The following CNIH3 variants were observed in gnomAD, a reference collection of about 807,000 sequenced individuals.
CNIH3 encodes protein cornichon homolog 3.
In CNIH3, 14 loss-of-function variants were observed where a neutral mutation model predicts 24.1. The observed-to-expected ratio is 0.58, with a 90% CI of 0.38 to 0.91. CNIH3 has a LOEUF of 0.91. Ranked by LOEUF, CNIH3 falls within the 40% of genes least tolerant of loss-of-function variation. The probability of loss-of-function intolerance (pLI) is 0.00; values close to 1 mark genes in which losing one functional copy is unlikely to be tolerated. For synonymous variants in CNIH3, 68 were observed against 73.8 expected, an observed-to-expected ratio of 0.92 and a Z score of 0.40; for missense variants, 178 against 196.8, an observed-to-expected ratio of 0.90 and a Z score of 0.57.
chr1:224,666,327 G>A (rs912854230), intron 1 of CNIH3, among the ~76,000 whole-genome samples: 1 of 152,146 alleles, frequency 6.6e-6, no homozygotes, highest in African/African-American at 2.4e-5. Context: ...CTTGGCTCAG[G>A]TCTGGTAAGG....
intron 1 of CNIH3, among the ~76,000 whole-genome samples, chr1:224,676,722 C>T (rs773435168): frequency 5.3e-5 from 8 of 152,170 alleles, no homozygotes; most frequent in South Asian, 4.1e-4. Flanking sequence ...TCATCACACT[C>T]GCAGTCAGTC....
chr1:224,546,807 T>C, intron 2 of CNIH3: 1 of 668,848 alleles, frequency 1.5e-6, no homozygotes, highest in Non-Finnish European at 1.8e-6. Flanking sequence ...TTCAAGTCTG[T>C]ATCTCCCTCA....
intron 2 of CNIH3, chr1:224,521,577 T>C (rs1349225013): frequency 6.6e-6 from 1 of 152,166 alleles, no homozygotes; most frequent in Non-Finnish European, 1.5e-5. Context: ...TTGGAACTCT[T>C]GGGAAAGACA....
intron 1 of CNIH3, among the ~76,000 whole-genome samples, chr1:224,640,208 G>A (rs1684289848): frequency 6.6e-6 from 1 of 152,208 alleles, no homozygotes; most frequent in African/African-American, 2.4e-5. Context: ...GTGTGTGTGT[G>A]TGCAAACATG....
chr1:224,661,797 C>T, intron 1 of CNIH3: 1 of 220,728 alleles, frequency 4.5e-6, no homozygotes, highest in Non-Finnish European at 9.2e-6. Context: ...TATCTTGGTG[C>T]CACTTCAGTG....
intron 1 of CNIH3, among the ~76,000 whole-genome samples, chr1:224,516,644 C>T (rs1170944618): frequency 6.6e-6 from 1 of 152,232 alleles, no homozygotes; most frequent in Non-Finnish European, 1.5e-5. Context: ...TGCTGGCCCT[C>T]CATGTCTCTG....
chr1:224,718,075 A>G (rs1424283851), intron 3 of CNIH3, among the ~76,000 whole-genome samples: 1 of 152,232 alleles, frequency 6.6e-6, no homozygotes, highest in African/African-American at 2.4e-5. Context: ...CATGAAAAAG[A>G]CAAGCTGCCC....
Position 224,616,481 on chromosome 1 carries a change from G to C in CNIH3, c.-694G>C. 1 of 987,940 alleles carries C rather than the reference G, an allele frequency of 1.0e-6. No individual in the cohort carries two copies. 61.2% of individuals were successfully genotyped at this position (987,940 alleles called of 1,614,324 possible). A position where few individuals can be genotyped will look rare whatever the true frequency, so the allele number is the denominator to read the frequency against. On this transcript the variant is annotated 5_prime_UTR_variant, in exon 1 of 6. Transcript: ENST00000272133. Reference sequence around the variant, plus strand: ...CCGACCCCCGGTTTCCGGGACACTTGGGTTGCGGAGGCCGGCTGGCCGGAG... The same window carrying C: ...CCGACCCCCGGTTTCCGGGACACTTCGGTTGCGGAGGCCGGCTGGCCGGAG...
chr1:224,739,333 A>G lies in CNIH3; in HGVS notation c.460A>G (p.Ile154Val), dbSNP rs1689757871. The change falls in exon 6 of 6, where the codon ATC (isoleucine) becomes GTC (valine). Residue 154 changes from isoleucine (I) to valine (V), a missense_variant. By Grantham distance (29) the Ile-to-Val change is conservative. Transcript: ENST00000272133. Reference protein sequence around the residue: ...LSFFYYLYCMIYTLVSS With the variant: ...LSFFYYLYCMVYTLVSS ...TTTTTTTTTTTTTGCATTCAGCATG[A>G]TCTACACTTTAGTGAGCTCTTAACG... 1 of 1,362,430 alleles carries G rather than the reference A, an allele frequency of 7.3e-7. No homozygotes were observed. Among genetic ancestry groups the G allele is most frequent in the Non-Finnish European group, 9.9e-7 (1 of 1,014,780 alleles). 84.4% of individuals were successfully genotyped at this position (1,362,430 alleles called of 1,614,324 possible).
chr1:224,632,472 C>T (rs74146204), intron 1 of CNIH3, among the ~76,000 whole-genome samples: 3,255 of 152,226 alleles, frequency 0.021, 102 homozygotes, highest in African/African-American at 0.072. Flanking sequence ...CTTATGTCAT[C>T]AGCATGCCTT....
intron 1 of CNIH3, among the ~76,000 whole-genome samples, chr1:224,490,337 G>T (rs1322718200): frequency 1.3e-5 from 2 of 152,174 alleles, no homozygotes; most frequent in South Asian, 2.1e-4. Context: ...CTACAGGAAT[G>T]GTTCAGGGTT....
intron 2 of CNIH3, among the ~76,000 whole-genome samples, chr1:224,522,459 C>T (rs1558127933): frequency 6.6e-6 from 1 of 152,216 alleles, no homozygotes; most frequent in Non-Finnish European, 1.5e-5. Flanking sequence ...AAAGTTGTCA[C>T]TGCAGAGTGA....
intron 1 of CNIH3, among the ~76,000 whole-genome samples, chr1:224,626,488 CA>C (rs1296822102): frequency 2.6e-5 from 4 of 152,076 alleles, no homozygotes; most frequent in Non-Finnish European, 5.9e-5. Flanking sequence ...AAAGCCCAAA[CA>C]AAAAACTAAA....
intron 1 of CNIH3, among the ~76,000 whole-genome samples, chr1:224,452,575 A>G (rs1192902515): frequency 2.0e-5 from 3 of 150,950 alleles, no homozygotes; most frequent in East Asian, 2.0e-4. Context: ...AGGTCAGGAG[A>G]TTGAGACCAT....
intron 1 of CNIH3, chr1:224,437,005 C>T: frequency 6.6e-6 from 1 of 152,192 alleles, no homozygotes; most frequent in East Asian, 1.9e-4. Context: ...TTCAAACCTC[C>T]TCAGGGGAGC....
chr1:224,705,380 C>A (rs1020642794), intron 3 of CNIH3, among the ~76,000 whole-genome samples: 1 of 152,250 alleles, frequency 6.6e-6, no homozygotes, highest in South Asian at 2.1e-4. Context: ...TGGCCTGGAG[C>A]CCCCTTCATT....
At chr1:224,712,514 C>A (rs1173290639) in intron 3 of CNIH3, among the ~76,000 whole-genome samples, 2 of 152,118 alleles carry the variant, frequency 1.3e-5, no homozygotes. Context: ...AATTACTCAA[C>A]AAGTATTTAT....
intron 3 of CNIH3, among the ~76,000 whole-genome samples, chr1:224,563,442 T>C (rs973702034): frequency 2.0e-5 from 3 of 149,672 alleles, no homozygotes; most frequent in Non-Finnish European, 3.0e-5. Flanking sequence ...CAATACTACA[T>C]TGAAATATTT....
chr1:224,570,644 T>C (rs1680778175), intron 4 of CNIH3, among the ~76,000 whole-genome samples: 2 of 152,362 alleles, frequency 1.3e-5, no homozygotes, highest in South Asian at 4.1e-4. Context: ...TTTTAAATTC[T>C]CTAACAGTTT....
Sources: allele counts gnomAD v4.1 joint callset (sites outside exome capture counted in the v4.1 genomes callset), GRCh38; gene constraint gnomAD v4.1.1; transcripts MANE v1.5; gene names NCBI Gene and HGNC (gene_info 2026-07-23, HGNC 2026-07-21).